SNTG1: variants seen among roughly 807,000 people sequenced by gnomAD.
The protein encoded by SNTG1 is gamma-1-syntrophin.
A neutral mutation model predicts 74.7 loss-of-function variants in SNTG1; 39 were observed. The ratio of observed to expected loss-of-function variants is 0.52; its 90% CI spans 0.40 to 0.68. SNTG1 has a LOEUF of 0.68. SNTG1 is among the 30% of genes least tolerant of loss of function. The pLI is 0.00. For missense variants in SNTG1, 685 were observed against 609.5 expected (o/e 1.12, Z -1.30); for synonymous variants, 254 against 217.1 (o/e 1.17, Z -1.49).
At chr8:50,329,609 C>G (rs539209793) in intron 2 of SNTG1, among the ~76,000 whole-genome samples, 2 of 152,164 alleles carry the variant, frequency 1.3e-5, no homozygotes, top group African/African-American at 4.8e-5. Context: ...CACGAGATCC[C>G]AAGGCTACAC....
intron 12 of SNTG1, among the ~76,000 whole-genome samples, chr8:50,557,973 C>A (rs2094466312): frequency 6.6e-6 from 1 of 152,142 alleles, no homozygotes; most frequent in African/African-American, 2.4e-5. Context: ...CGCCTCCTTC[C>A]CTTCACTCCT....
intron 13 of SNTG1, among the ~76,000 whole-genome samples, chr8:50,615,770 G>A (rs772501387): frequency 1.3e-5 from 2 of 152,192 alleles, no homozygotes; most frequent in African/African-American, 2.4e-5. Context: ...GCTGACTTGT[G>A]TGCCACAAAA....
At chr8:50,471,244 A>ATTT (rs5891369) in intron 8 of SNTG1, among the ~76,000 whole-genome samples, 2 of 147,462 alleles carry the variant, frequency 1.4e-5, no homozygotes, top group African/African-American at 5.0e-5. Flanking sequence ...AAATCATATA[A>ATTT]TTTTTTTTTT....
chr8:50,045,599 GGTCCTCA>G (rs1182042109), intron 1 of SNTG1, among the ~76,000 whole-genome samples: 2 of 151,826 alleles, frequency 1.3e-5, no homozygotes. Context: ...TTGGGGAGGG[GGTCCTCA>G]GTTTCTTCAT....
intron 17 of SNTG1, among the ~76,000 whole-genome samples, chr8:50,729,491 T>G (rs1297041196): frequency 2.0e-5 from 3 of 152,178 alleles, no homozygotes; most frequent in Non-Finnish European, 4.4e-5. Flanking sequence ...ACTTCTAATG[T>G]CATAGAGTTT....
chr8:50,721,321 T>C (rs2095487091), intron 17 of SNTG1, among the ~76,000 whole-genome samples: 1 of 152,252 alleles, frequency 6.6e-6, no homozygotes, highest in African/African-American at 2.4e-5. Flanking sequence ...CTTTGTTTCC[T>C]CTTCCCTTCC....
At chr8:50,081,612 G>T (rs988589578) in intron 1 of SNTG1, among the ~76,000 whole-genome samples, 3 of 151,336 alleles carry the variant, frequency 2.0e-5, no homozygotes. Flanking sequence ...TGTTCACTTC[G>T]TTTTTTTTGT....
In SNTG1 at chr8:50,067,735, T is replaced by C. The variant is rs868746873; in HGVS notation, c.-102-104826T>C. Among the ~76,000 whole-genome samples, 4 of 152,152 alleles carry C rather than the reference T, an allele frequency of 2.6e-5. No homozygotes were observed. In the South Asian group the frequency reaches 8.3e-4, roughly 31 times the overall value. On this transcript the variant is annotated intron_variant, in intron 1 of 18. Transcript: ENST00000642720. ...ATTTTGGTTGCCTTGGCTGATGTCT[T>C]CAGCATGAGCTCTTGTAGATGCTGC...
At chr8:50,152,695 G>T (rs1356789941) in intron 1 of SNTG1, among the ~76,000 whole-genome samples, 2 of 152,084 alleles carry the variant, frequency 1.3e-5, no homozygotes, top group Admixed American at 6.6e-5. Context: ...TGAAATTCTG[G>T]GTTGAAAATT....
chr8:50,288,520 T>G (rs1375541452), intron 2 of SNTG1, among the ~76,000 whole-genome samples: 4 of 152,156 alleles, frequency 2.6e-5, no homozygotes, highest in Non-Finnish European at 5.9e-5. Flanking sequence ...TTGTCATTTT[T>G]TAAATTTACT....
intron 9 of SNTG1, 30 bp downstream of exon 9, chr8:50,502,910 G>A: frequency 6.7e-7 from 1 of 1,498,996 alleles, no homozygotes; most frequent in Non-Finnish European, 9.2e-7. Flanking sequence ...AGATAAAAGT[G>A]CTCACATCAT....
intron 2 of SNTG1, among the ~76,000 whole-genome samples, chr8:50,214,512 T>A (rs1043288009): frequency 6.6e-6 from 1 of 152,120 alleles, no homozygotes; most frequent in Non-Finnish European, 1.5e-5. Context: ...CACTTTGGAC[T>A]GGATGATACA....
chr8:50,070,003 G>A (rs145952170), intron 1 of SNTG1, among the ~76,000 whole-genome samples: 33 of 152,136 alleles, frequency 2.2e-4, no homozygotes, highest in Non-Finnish European at 3.5e-4. Context: ...TCTTCTGACC[G>A]TTTGTGGGGC....
intron 1 of SNTG1, among the ~76,000 whole-genome samples, chr8:50,087,323 C>G (rs1369023002): frequency 2.0e-5 from 3 of 152,190 alleles, no homozygotes; most frequent in Non-Finnish European, 4.4e-5. Context: ...GACTAGTGCT[C>G]AATTACCCCT....
intron 8 of SNTG1, among the ~76,000 whole-genome samples, chr8:50,462,231 G>C (rs1378263711): frequency 7.3e-6 from 1 of 137,086 alleles, no homozygotes; most frequent in Non-Finnish European, 1.6e-5. Flanking sequence ...TATCTATATG[G>C]AAGTACATAT....
In SNTG1 at chr8:50,136,600, C is replaced by T. The variant is rs549356448; in HGVS notation, c.-102-35961C>T. 6.6e-5 allele frequency among the ~76,000 whole-genome samples: 10 copies of T among 152,224 alleles called. No individual in the cohort carries two copies. The South Asian group carries it at 1.2e-3, about 19-fold the overall frequency. Reference sequence around the variant, plus strand: ...TGAGAAACACCTGAATAGCAGGGCACGTGACCCCACCCACACCTGCTACTG... The same window carrying T: ...TGAGAAACACCTGAATAGCAGGGCATGTGACCCCACCCACACCTGCTACTG... On this transcript the variant is annotated intron_variant, in intron 1 of 18. Coordinates refer to ENST00000642720, the MANE Select transcript of SNTG1 (RefSeq NM_018967.5).
chr8:50,101,733 A>G (rs2080133696), intron 1 of SNTG1, among the ~76,000 whole-genome samples: 1 of 144,784 alleles, frequency 6.9e-6, no homozygotes, highest in Non-Finnish European at 1.5e-5. Context: ...AACAGTCCCC[A>G]GAGTGTAATG....
At chr8:50,555,049 C>T (rs796993462) in intron 12 of SNTG1, among the ~76,000 whole-genome samples, 4 of 152,214 alleles carry the variant, frequency 2.6e-5, no homozygotes, top group African/African-American at 9.6e-5. Flanking sequence ...AAAGTCAATG[C>T]TTTAGTTAAA....
At chr8:50,477,599 A>T (rs2093706966) in intron 8 of SNTG1, among the ~76,000 whole-genome samples, 1 of 152,122 alleles carries the variant, frequency 6.6e-6, no homozygotes, top group East Asian at 1.9e-4. Context: ...TAGAATAAAG[A>T]CATTAGGGGA....
Sources: gnomAD v4.1 joint callset for allele counts (sites outside exome capture counted in the v4.1 genomes callset) on GRCh38, gnomAD v4.1.1 for gene constraint, MANE v1.5 for transcripts, NCBI Gene and HGNC (gene_info 2026-07-23, HGNC 2026-07-21) for gene names.